Variants in NUF2 observed in about 807,000 individuals in gnomAD.
NUF2 encodes the protein kinetochore protein Nuf2.
In NUF2, 34 loss-of-function variants were observed where a neutral mutation model predicts 61.8. The observed-to-expected ratio is 0.55, with a 90% CI of 0.42 to 0.73. The LOEUF (loss-of-function observed/expected upper bound fraction) is 0.73. Ranked by LOEUF, NUF2 falls within the 30% of genes least tolerant of loss-of-function variation. NUF2 has a pLI of 0.00. For synonymous variants in NUF2, 172 were observed against 181.6 expected (o/e 0.95, Z 0.42); for missense variants, 445 against 539.1 (o/e 0.83, Z 1.73).
At chr1:163,322,899 A>G (rs959701503) in intron 1 of NUF2, 1 of 152,214 alleles carries the variant, frequency 6.6e-6, no homozygotes, top group Admixed American at 6.5e-5. Flanking sequence ...AAGTGTCTTC[A>G]TCTCTCGTTA....
chr1:163,343,185 AGCTT>A (rs1651005951), intron 9 of NUF2, among the ~76,000 whole-genome samples: 2 of 152,184 alleles, frequency 1.3e-5, no homozygotes, highest in South Asian at 2.1e-4. Context: ...TCAGTGCTAT[AGCTT>A]TGTTTGGGTA....
At chr1:163,329,071 A>G (rs1650520470) in intron 5 of NUF2, among the ~76,000 whole-genome samples, 164 bp downstream of exon 5, 1 of 151,062 alleles carries the variant, frequency 6.6e-6, no homozygotes, top group Non-Finnish European at 1.5e-5. Flanking sequence ...TATCTTGTTG[A>G]ATTTCTTTTT....
intron 5 of NUF2, among the ~76,000 whole-genome samples, chr1:163,335,098 T>C (rs1650713702): frequency 6.6e-6 from 1 of 152,018 alleles, no homozygotes; most frequent in Non-Finnish European, 1.5e-5. Context: ...GGACTACAGG[T>C]GCATGTAACC....
chr1:163,349,153 A>C, intron 13 of NUF2, 73 bp downstream of exon 13: 1 of 1,307,138 alleles, frequency 7.7e-7, no homozygotes, highest in Non-Finnish European at 1.1e-6. Context: ...GAAACAAAAC[A>C]GCTTACTTGG....
chr1:163,342,492 A>G (rs1405954206), intron 9 of NUF2, among the ~76,000 whole-genome samples: 1 of 152,200 alleles, frequency 6.6e-6, no homozygotes, highest in Non-Finnish European at 1.5e-5. Context: ...AACAAAATAT[A>G]CAGAAATTAC....
At chr1:163,353,300 G>T (rs1237532008) in intron 13 of NUF2, among the ~76,000 whole-genome samples, 1 of 152,130 alleles carries the variant, frequency 6.6e-6, no homozygotes, top group South Asian at 2.1e-4. Context: ...GGCTACACTG[G>T]CTGTAAGACT....
chr1:163,339,866 T>C (rs1012003201), intron 8 of NUF2, among the ~76,000 whole-genome samples: 1 of 152,156 alleles, frequency 6.6e-6, no homozygotes, highest in Non-Finnish European at 1.5e-5. Flanking sequence ...TTCAAGGTAG[T>C]TCACAGTTTC....
rs1650248219 is a variant in NUF2 at position 163,322,202 on chromosome 1, G to A, written c.-31G>A. 1 of 152,306 alleles carries A rather than the reference G, an allele frequency of 6.6e-6. No individual in the cohort carries two copies. The highest frequency in any genetic ancestry group is 1.5e-5 in the Non-Finnish European group (1 of 68,142). 9.4% of individuals were successfully genotyped at this position (152,306 alleles called of 1,614,324 possible). A position where few individuals can be genotyped will look rare whatever the true frequency, so the allele number is the denominator to read the frequency against. On this transcript the variant is annotated 5_prime_UTR_variant, in exon 1 of 14. Transcript: ENST00000271452. ...CGGTGGGAGGAGGCGGAAGAAACCA[G>A]AGCCTGGGAGGTGAGGGGCGGGCCC... is the stretch of plus-strand genomic sequence containing the variant.
chr1:163,348,926 T>G lies in NUF2; in HGVS notation c.1125-19T>G, dbSNP rs777960548. On this transcript the variant is annotated intron_variant, in intron 12 of 13. Coordinates refer to ENST00000271452, the MANE Select transcript of NUF2 (RefSeq NM_145697.3). ...TTGCTGAAGAGGATTAAATATTAGC[T>G]GTCTCGATTTTCTTTCAGGGATTGC... The G allele has an allele frequency of 5.6e-6, 9 of 1,599,472 alleles. No homozygotes were observed. The African/African-American group carries it at 1.1e-4, about 19-fold the overall frequency.
chr1:163,346,461 CTAGATCCTCAAGGCACTA>C (rs956317935), intron 11 of NUF2, among the ~76,000 whole-genome samples: 38 of 152,136 alleles, frequency 2.5e-4, no homozygotes, highest in African/African-American at 8.9e-4. Context: ...TCAGGTGATC[CTAGATCCTCAAGGCACTA>C]TGATGTCGAC....
At chr1:163,325,910 A>G in intron 1 of NUF2, 122 bp from the exon 2 acceptor site, 1 of 593,766 alleles carries the variant, frequency 1.7e-6, no homozygotes. Context: ...AAGATATTTG[A>G]TGATAGTTAA....
chr1:163,350,257 G>C (rs1016136759), intron 13 of NUF2, among the ~76,000 whole-genome samples: 1 of 150,522 alleles, frequency 6.6e-6, no homozygotes, highest in Non-Finnish European at 1.5e-5. Context: ...AGCTGAGATC[G>C]CACCACTGCA....
intron 13 of NUF2, among the ~76,000 whole-genome samples, chr1:163,350,817 C>A (rs1010087746): frequency 1.3e-5 from 2 of 152,146 alleles, no homozygotes; most frequent in African/African-American, 4.8e-5. Context: ...CACTAATAGG[C>A]TTGGCTTAAT....
At chr1:163,339,864 A>G (rs1318994619) in intron 8 of NUF2, among the ~76,000 whole-genome samples, 1 of 152,128 alleles carries the variant, frequency 6.6e-6, no homozygotes, top group Non-Finnish European at 1.5e-5. Context: ...AATTCAAGGT[A>G]GTTCACAGTT....
chr1:163,329,835 G>A (rs546089466), intron 5 of NUF2, among the ~76,000 whole-genome samples: 5 of 152,286 alleles, frequency 3.3e-5, no homozygotes, highest in African/African-American at 1.2e-4. Flanking sequence ...TGAATAAACT[G>A]TAGTACATCT....
intron 5 of NUF2, among the ~76,000 whole-genome samples, chr1:163,332,526 A>C: frequency 6.6e-6 from 1 of 152,112 alleles, no homozygotes; most frequent in East Asian, 1.9e-4. Flanking sequence ...CTGAGCCAAA[A>C]CCAAGGTGTT....
chr1:163,348,394 T>C (rs1467919531), intron 12 of NUF2, among the ~76,000 whole-genome samples: 2 of 152,208 alleles, frequency 1.3e-5, no homozygotes, highest in Non-Finnish European at 2.9e-5. Flanking sequence ...TAGGGTACTT[T>C]ATTGGTAAAA....
At chr1:163,339,307 A>G in intron 7 of NUF2, 74 bp from the exon 8 acceptor site, 1 of 831,830 alleles carries the variant, frequency 1.2e-6, no homozygotes, top group Non-Finnish European at 2.0e-6. Flanking sequence ...CATCTCAGTT[A>G]TTTGAGGACA....
At chr1:163,327,453 T>G (rs752889745) in intron 2 of NUF2, 35 bp from the exon 3 acceptor site, 1 of 1,097,904 alleles carries the variant, frequency 9.1e-7, no homozygotes, top group Admixed American at 1.7e-5. Flanking sequence ...TTTAGAGTTA[T>G]GCATCGGAGT....
Sources: allele counts gnomAD v4.1 joint callset (sites outside exome capture counted in the v4.1 genomes callset), GRCh38; gene constraint gnomAD v4.1.1; transcripts MANE v1.5; gene names NCBI Gene and HGNC (gene_info 2026-07-23, HGNC 2026-07-21).